LURAP1L: variants seen among roughly 807,000 people sequenced by gnomAD.
LURAP1L encodes the protein leucine rich adaptor protein 1-like.
LURAP1L carries 12 observed loss-of-function variants against 13.8 expected under a neutral mutation model. The observed-to-expected ratio is 0.87, with a 90% confidence interval of 0.56 to 1.41. The LOEUF is 1.41. Among genes scored for constraint, LURAP1L ranks in the 40% most tolerant of loss-of-function variants. LURAP1L has a pLI of 0.00. For synonymous variants in LURAP1L, 139 were observed against 119.2 expected, an observed-to-expected ratio of 1.17 and a Z score of -1.08; for missense variants, 375 against 292.9, an observed-to-expected ratio of 1.28 and a Z score of -2.04.
intron 1 of LURAP1L, among the ~76,000 whole-genome samples, chr9:12,820,919 GCTTGGCACATTATCA>G (rs1181422848): frequency 7.9e-5 from 12 of 152,234 alleles, no homozygotes; most frequent in African/African-American, 2.9e-4. Context: ...TTATGATGGT[GCTTGGCACATTATCA>G]CTCCATAATC....
At chr9:12,784,951 CTCTCT>C (rs1819328924) in intron 1 of LURAP1L, among the ~76,000 whole-genome samples, 1 of 152,012 alleles carries the variant, frequency 6.6e-6, no homozygotes, top group Non-Finnish European at 1.5e-5. Flanking sequence ...TTTTACTCTC[CTCTCT>C]TATTTCCTCA....
chr9:12,789,090 C>CCA (rs570702009), intron 1 of LURAP1L, among the ~76,000 whole-genome samples: 6 of 137,024 alleles, frequency 4.4e-5, no homozygotes, highest in African/African-American at 1.4e-4. Flanking sequence ...AGCACCCCCC[C>CCA]AAAAAAAAAA....
intron 1 of LURAP1L, among the ~76,000 whole-genome samples, chr9:12,800,437 T>C (rs1819569489): frequency 6.6e-6 from 1 of 152,104 alleles, no homozygotes; most frequent in Admixed American, 6.5e-5. Flanking sequence ...ATCCAAATCA[T>C]GTCTTTTTAT....
chr9:12,800,714 C>A (rs1819573875), intron 1 of LURAP1L, among the ~76,000 whole-genome samples: 1 of 152,140 alleles, frequency 6.6e-6, no homozygotes, highest in Non-Finnish European at 1.5e-5. Flanking sequence ...CAAATCATCA[C>A]CTTCTGCCGT....
rs566120691 is a variant in LURAP1L, at chr9:12,790,928, G to A, written c.312+14901G>A. Among the ~76,000 whole-genome samples the A allele has an allele frequency of 2.6e-5, 4 of 152,120 alleles. No homozygotes were observed. The South Asian group carries it at 6.2e-4, about 24-fold the overall frequency. On this transcript the variant is annotated intron_variant, in intron 1 of 1. Coordinates refer to ENST00000319264, the MANE Select transcript of LURAP1L (RefSeq NM_203403.2). The stretch of plus-strand genomic sequence containing the variant: ...TATTGACAAATGGTAAAGTCTGTGT[G>A]GTTTTAACTGAAAATAAATAGACAT...
chr9:12,801,950 C>T (rs1056681303), intron 1 of LURAP1L, among the ~76,000 whole-genome samples: 3 of 152,140 alleles, frequency 2.0e-5, no homozygotes, highest in Non-Finnish European at 4.4e-5. Flanking sequence ...CAAATTAACT[C>T]TTTCTGAATT....
chr9:12,784,659 G>C (rs931424906), intron 1 of LURAP1L, among the ~76,000 whole-genome samples: 14 of 152,314 alleles, frequency 9.2e-5, no homozygotes, highest in Middle Eastern at 6.8e-3. Flanking sequence ...CACAGTACTT[G>C]ATGTCACCCG....
rs1434382163 is a variant in LURAP1L, at chr9:12,795,731, G to A, written c.312+19704G>A. On this transcript the variant is annotated intron_variant, in intron 1 of 1. Transcript: ENST00000319264. The stretch of plus-strand genomic sequence containing the variant: ...GAAGTGATACAATGAAAGTCGTCTT[G>A]TATTTTGGCACACTTACTCTATTTT... Among the ~76,000 whole-genome samples the A allele has an allele frequency of 2.0e-5, 3 of 152,054 alleles. No individual in the cohort carries two copies. The East Asian group carries it at 5.8e-4, about 29-fold the overall frequency.
At chr9:12,796,749 A>G (rs546199191) in intron 1 of LURAP1L, among the ~76,000 whole-genome samples, 18 of 152,176 alleles carry the variant, frequency 1.2e-4, no homozygotes, top group Non-Finnish European at 7.4e-5. Context: ...CATAGAGGCA[A>G]AGAAGCAGAT....
chr9:12,819,710 T>C (rs2118555011), intron 1 of LURAP1L, among the ~76,000 whole-genome samples: 1 of 152,216 alleles, frequency 6.6e-6, no homozygotes, highest in South Asian at 2.1e-4. Context: ...ATCTCAGCAC[T>C]TTGGGAGGCT....
Position 12,821,623 on chromosome 9 carries a change from G to A in LURAP1L, c.550G>A (p.Asp184Asn), listed in dbSNP as rs770146035. ...LDGISVGSYL[D>N]TLADDVPGHQ... Reference sequence around the variant, plus strand: ...TGGCATTTCCGTGGGAAGTTATCTGGACACGTTGGCGGATGATGTCCCAGG... The same window carrying A: ...TGGCATTTCCGTGGGAAGTTATCTGAACACGTTGGCGGATGATGTCCCAGG... Residue 184 changes from aspartate (D) to asparagine (N), a missense_variant, in exon 2 of 2, where the codon GAC becomes AAC. Coordinates refer to ENST00000319264, the MANE Select transcript of LURAP1L (RefSeq NM_203403.2). The A allele has an allele frequency of 5.0e-6, 8 of 1,614,162 alleles. No individual in the cohort carries two copies. Among genetic ancestry groups the A allele is most frequent in the Non-Finnish European group, 5.9e-6 (7 of 1,180,032 alleles).
At chr9:12,805,683 A>G (rs2118523978) in intron 1 of LURAP1L, among the ~76,000 whole-genome samples, 1 of 152,344 alleles carries the variant, frequency 6.6e-6, no homozygotes, top group East Asian at 1.9e-4. Flanking sequence ...ATCTTGTCAT[A>G]AAACCAGATT....
intron 1 of LURAP1L, among the ~76,000 whole-genome samples, chr9:12,780,596 G>C (rs1819255953): frequency 6.6e-6 from 1 of 152,130 alleles, no homozygotes; most frequent in South Asian, 2.1e-4. Flanking sequence ...CTGGCTATCT[G>C]CTTGATCCAA....
chr9:12,788,740 T>A (rs1819397938), intron 1 of LURAP1L, among the ~76,000 whole-genome samples: 1 of 151,908 alleles, frequency 6.6e-6, no homozygotes, highest in African/African-American at 2.4e-5. Context: ...TATCATTGAA[T>A]GATAAGGGTA....
At chr9:12,798,492 C>T (rs1402334543) in intron 1 of LURAP1L, among the ~76,000 whole-genome samples, 1 of 152,174 alleles carries the variant, frequency 6.6e-6, no homozygotes, top group East Asian at 1.9e-4. Context: ...CTTCTTCATT[C>T]TTTTCACCTT....
At chr9:12,789,089 C>A (rs1223010272) in intron 1 of LURAP1L, among the ~76,000 whole-genome samples, 1 of 133,414 alleles carries the variant, frequency 7.5e-6, no homozygotes, top group East Asian at 2.4e-4. Flanking sequence ...CAGCACCCCC[C>A]CAAAAAAAAA....
At chr9:12,797,028 G>C (rs545671214) in intron 1 of LURAP1L, among the ~76,000 whole-genome samples, 2 of 151,820 alleles carry the variant, frequency 1.3e-5, no homozygotes, top group East Asian at 3.9e-4. Flanking sequence ...ATTATCACTG[G>C]GGTTCTTTCT....
chr9:12,820,320 T>C (rs1241911705), intron 1 of LURAP1L, among the ~76,000 whole-genome samples: 4 of 152,118 alleles, frequency 2.6e-5, no homozygotes, highest in African/African-American at 9.6e-5. Flanking sequence ...CTGGCCAACA[T>C]GGTGAAACTC....
intron 1 of LURAP1L, among the ~76,000 whole-genome samples, chr9:12,813,832 T>C (rs918517118): frequency 6.6e-6 from 1 of 152,154 alleles, no homozygotes; most frequent in African/African-American, 2.4e-5. Flanking sequence ...GGATCACATA[T>C]CAGGTGTAAC....
Sources: allele counts gnomAD v4.1 joint callset (sites outside exome capture counted in the v4.1 genomes callset), GRCh38; gene constraint gnomAD v4.1.1; transcripts MANE v1.5; gene names NCBI Gene and HGNC (gene_info 2026-07-23, HGNC 2026-07-21).